FAM156A: variants seen among roughly 807,000 people sequenced by gnomAD.
FAM156A encodes protein FAM156A/FAM156B.
rs1248690737 is a variant in FAM156A, at chrX:52,977,898, A to G, written c.-433-13663T>C. On this transcript the variant is annotated intron_variant, in intron 1 of 4. Transcript: ENST00000610625. ...ATTTGATGGAGGAGAGTTGGACTTA[A>G]TAGAACTAATAGCAATAGAATAATC... 3.6e-5 allele frequency among the ~76,000 whole-genome samples: 4 copies of G among 112,467 alleles called. No individual in the cohort carries two copies. The East Asian group carries it at 1.1e-3, about 31-fold the overall frequency.
chrX:52,993,482 T>C (rs1930948414), intron 1 of FAM156A, among the ~76,000 whole-genome samples: 1 of 101,426 alleles, frequency 9.9e-6, no homozygotes, highest in Non-Finnish European at 2.0e-5. Flanking sequence ...TGGCGCGATT[T>C]TGGCTCACTG....
intron 1 of FAM156A, among the ~76,000 whole-genome samples, chrX:52,981,554 A>C (rs1929907138): frequency 9.0e-6 from 1 of 111,592 alleles, no homozygotes; most frequent in African/African-American, 3.3e-5. Context: ...TTTTCCCTCT[A>C]GGGTTCCTCG....
chrX:52,977,032 A>G (rs1005729365), intron 1 of FAM156A, among the ~76,000 whole-genome samples: 1 of 106,882 alleles, frequency 9.4e-6, no homozygotes, highest in African/African-American at 3.4e-5. Context: ...ATATATATAC[A>G]CACACACATA....
chrX:52,990,154 G>A (rs1229843596), intron 1 of FAM156A, among the ~76,000 whole-genome samples: 1 of 110,598 alleles, frequency 9.0e-6, no homozygotes, highest in African/African-American at 3.3e-5. Context: ...GACCCCACCA[G>A]GAGTGAATGT....
At chrX:52,990,366 G>A (rs1323924824) in intron 1 of FAM156A, among the ~76,000 whole-genome samples, 3 of 111,517 alleles carry the variant, frequency 2.7e-5, no homozygotes, top group Non-Finnish European at 5.7e-5. Flanking sequence ...GCTCAGGTTT[G>A]GACTTGGTCC....
intron 1 of FAM156A, among the ~76,000 whole-genome samples, chrX:52,982,585 T>C (rs1556793621): frequency 8.9e-6 from 1 of 111,879 alleles, no homozygotes; most frequent in Non-Finnish European, 1.9e-5. Context: ...CAATATATAC[T>C]TTAAATAAAA....
intron 1 of FAM156A, among the ~76,000 whole-genome samples, chrX:52,988,136 G>T (rs1320669331): frequency 9.2e-6 from 1 of 109,225 alleles, no homozygotes; most frequent in Non-Finnish European, 1.9e-5. Flanking sequence ...AGCTACTCAG[G>T]AGGCTGAGGC....
chrX:52,978,921 A>C (rs1174972795), intron 1 of FAM156A, among the ~76,000 whole-genome samples: 1 of 112,200 alleles, frequency 8.9e-6, no homozygotes, highest in Non-Finnish European at 1.9e-5. Flanking sequence ...GTTTCCATGA[A>C]AGTTAGAACC....
intron 1 of FAM156A, among the ~76,000 whole-genome samples, chrX:52,980,782 CTGTGTGTGTGTG>C (rs1156303085): frequency 0.063 from 2,433 of 38,395 alleles, 67 homozygotes; most frequent in African/African-American, 0.09. Flanking sequence ...TAGGGTTCCT[CTGTGTGTGTGTG>C]TGTGTGTGTG....
chrX:52,975,253 C>G (rs2146592808), intron 1 of FAM156A, among the ~76,000 whole-genome samples: 1 of 111,681 alleles, frequency 9.0e-6, no homozygotes, highest in East Asian at 2.8e-4. Flanking sequence ...GGCTGAAGAG[C>G]TTTCTGGGTC....
chrX:52,975,655 C>T (rs1423519210), intron 1 of FAM156A, among the ~76,000 whole-genome samples: 1 of 111,440 alleles, frequency 9.0e-6, no homozygotes, highest in Non-Finnish European at 1.9e-5. Context: ...GTGTTTTCTC[C>T]GTTTCCCTGA....
intron 1 of FAM156A, among the ~76,000 whole-genome samples, chrX:52,985,085 C>T (rs1370034464): frequency 9.0e-6 from 1 of 110,851 alleles, no homozygotes; most frequent in Non-Finnish European, 1.9e-5. Context: ...TACATAACAA[C>T]ATGAGGATAT....
chrX:52,977,012 A>G (rs1929518034), intron 1 of FAM156A, among the ~76,000 whole-genome samples: 2 of 107,475 alleles, frequency 1.9e-5, no homozygotes, highest in Non-Finnish European at 3.8e-5. Context: ...CTGTGGCACT[A>G]TACATATATA....
At chrX:52,989,367 C>A (rs1290423357) in intron 1 of FAM156A, among the ~76,000 whole-genome samples, 1 of 112,324 alleles carries the variant, frequency 8.9e-6, no homozygotes, top group Admixed American at 9.4e-5. Context: ...CCTGAGGTGG[C>A]CGCATCTGTC....
chrX:52,990,265 G>A (rs781827801), intron 1 of FAM156A, among the ~76,000 whole-genome samples: 1 of 111,960 alleles, frequency 8.9e-6, no homozygotes, highest in East Asian at 2.8e-4. Flanking sequence ...GCTGCACTGT[G>A]CCTGGAGACA....
intron 1 of FAM156A, among the ~76,000 whole-genome samples, chrX:52,990,808 AAAG>A (rs1289058507): frequency 2.5e-3 from 188 of 74,599 alleles, no homozygotes; most frequent in Non-Finnish European, 3.5e-3. Context: ...AAAGAAAAGA[AAAG>A]AAAAGAAAAG....
At chrX:52,973,701 C>T (rs1391227518) in intron 1 of FAM156A, among the ~76,000 whole-genome samples, 1 of 112,083 alleles carries the variant, frequency 8.9e-6, no homozygotes, top group Admixed American at 9.5e-5. Context: ...TTCCGTCTGT[C>T]GCCCAGGCTG....
chrX:52,979,492 T>C (rs782490674), intron 1 of FAM156A, among the ~76,000 whole-genome samples: 2 of 110,977 alleles, frequency 1.8e-5, no homozygotes, highest in African/African-American at 3.3e-5. Context: ...GCCCCTCACC[T>C]AAGGAGTTCG....
chrX:52,988,978 C>T (rs985084667), intron 1 of FAM156A, among the ~76,000 whole-genome samples: 26 of 112,479 alleles, frequency 2.3e-4, no homozygotes, highest in African/African-American at 8.1e-4. Context: ...CACTAATTAA[C>T]GATCCAATAG....
Sources: gnomAD v4.1 joint callset for allele counts (sites outside exome capture counted in the v4.1 genomes callset) on GRCh38, gnomAD v4.1.1 for gene constraint, MANE v1.5 for transcripts, NCBI Gene and HGNC (gene_info 2026-07-23, HGNC 2026-07-21) for gene names.